Variants in PDE1A observed in about 807,000 individuals in gnomAD.
The protein encoded by PDE1A is dual specificity calcium/calmodulin-dependent 3',5'-cyclic nucleotide phosphodiesterase 1A.
A neutral mutation model predicts 61.7 loss-of-function variants in PDE1A; 35 were observed. The observed-to-expected ratio is 0.57, with a 90% confidence interval of 0.43 to 0.75. PDE1A has a LOEUF of 0.75. Ranked by LOEUF, PDE1A falls within the 30% of genes least tolerant of loss-of-function variation. The pLI is 0.00. For synonymous variants in PDE1A, 232 were observed against 213.2 expected (o/e 1.09, Z -0.77); for missense variants, 597 against 630.6 (o/e 0.95, Z 0.57).
At chr2:182,201,655 A>AAAAAC (rs1559175861) in intron 9 of PDE1A, 33 bp downstream of exon 9, 1 of 1,550,184 alleles carries the variant, frequency 6.5e-7, no homozygotes, top group East Asian at 2.3e-5. Flanking sequence ...CATGACAAAA[A>AAAAAC]AAAAAAAACA....
At chr2:182,241,711 T>A in intron 2 of PDE1A, 1 of 680,610 alleles carries the variant, frequency 1.5e-6, no homozygotes, top group Non-Finnish European at 2.2e-6. Context: ...TTATAAAAAA[T>A]AAACATAAGT....
upstream of PDE1A, among the ~76,000 whole-genome samples, chr2:182,427,520 C>CT (rs781238949): frequency 3.9e-4 from 59 of 151,864 alleles, no homozygotes; most frequent in African/African-American, 4.6e-4. Flanking sequence ...CATCCACATG[C>CT]TTTTTTTTAA....
In PDE1A at chr2:182,472,740, C is replaced by T. The variant is rs141309518; in HGVS notation, c.101+49536G>A. 6.1e-3 allele frequency among the ~76,000 whole-genome samples: 911 copies of T among 150,398 alleles called. 9 individuals are homozygous for T. The highest frequency in any genetic ancestry group is 0.021 in the African/African-American group (874 of 41,458). On this transcript the variant is annotated intron_variant, in intron 2 of 14. Transcript: ENST00000410103. ...AAAGCTCATTTCCACATAATCAACT[C>T]TAGCTCAACTGCTATTAAATTCACA...
At chr2:182,178,543 G>A (rs561364829) in intron 13 of PDE1A, among the ~76,000 whole-genome samples, 16 of 152,180 alleles carry the variant, frequency 1.1e-4, no homozygotes, top group South Asian at 6.2e-4. Context: ...AGTTATTTCC[G>A]AGGGAAAAAC....
chr2:182,588,977 A>C, the PDE1A span, among the ~76,000 whole-genome samples: 2 of 151,184 alleles, frequency 1.3e-5, no homozygotes, highest in Non-Finnish European at 2.9e-5. Context: ...TGGGAGGCAG[A>C]GGTTGCACTG....
At chr2:182,477,254 G>T (rs1181342019) in intron 2 of PDE1A, among the ~76,000 whole-genome samples, 2 of 151,904 alleles carry the variant, frequency 1.3e-5, no homozygotes, top group Non-Finnish European at 2.9e-5. Flanking sequence ...CATGTTGAGG[G>T]TAAAAGAGAA....
chr2:182,597,449 C>A, the PDE1A span, among the ~76,000 whole-genome samples: 37 of 152,046 alleles, frequency 2.4e-4, no homozygotes, highest in Non-Finnish European at 4.4e-5. Context: ...GAGAAGCCAG[C>A]GCTTGCAGGC....
intron 1 of PDE1A, among the ~76,000 whole-genome samples, chr2:182,302,907 T>G (rs979665164): frequency 6.6e-6 from 1 of 152,240 alleles, no homozygotes; most frequent in Admixed American, 6.5e-5. Context: ...GGAACCACTT[T>G]CTTTGCTCAC....
chr2:182,265,458 T>C lies in PDE1A; in HGVS notation c.54-1044A>G, dbSNP rs1460553486. On this transcript the variant is annotated intron_variant, in intron 1 of 13. Transcript: ENST00000351439. ...TGTGTCCTTAGTGTATTTACTGCAC[T>C]CATTTTTCACCTGAGGCAAATTTGA... Among the ~76,000 whole-genome samples the C allele has an allele frequency of 2.6e-5, 4 of 152,084 alleles. No individual in the cohort carries two copies. In the East Asian group the frequency reaches 7.7e-4, roughly 29 times the overall value.
At chr2:182,282,715 T>G (rs1184078328) in intron 1 of PDE1A, among the ~76,000 whole-genome samples, 2 of 152,046 alleles carry the variant, frequency 1.3e-5, no homozygotes, top group Non-Finnish European at 2.9e-5. Context: ...TTTATTTTTT[T>G]GCAATTTATA....
chr2:182,324,147 T>C (rs112610669), intron 1 of PDE1A, among the ~76,000 whole-genome samples: 1,693 of 152,260 alleles, frequency 0.011, 24 homozygotes, highest in South Asian at 0.069. Context: ...TTCATTTGAA[T>C]CTCAATATAT....
chr2:182,518,231 T>C (rs1002246626), intron 2 of PDE1A, among the ~76,000 whole-genome samples: 16 of 152,328 alleles, frequency 1.1e-4, no homozygotes, highest in Middle Eastern at 3.4e-3. Flanking sequence ...ATGTTTTTTT[T>C]GCTAATTTTT....
the PDE1A span, among the ~76,000 whole-genome samples, chr2:182,569,438 G>C: frequency 1.8e-4 from 27 of 152,140 alleles, no homozygotes; most frequent in African/African-American, 6.5e-4. Flanking sequence ...CCAGCATTCT[G>C]CTCCATCATT....
intron 6 of PDE1A, among the ~76,000 whole-genome samples, chr2:182,226,918 AACTG>A (rs1689188338): frequency 6.6e-6 from 1 of 152,020 alleles, no homozygotes; most frequent in African/African-American, 2.4e-5. Context: ...AATTAACATT[AACTG>A]GACACTTTAG....
At chr2:182,407,240 A>T (rs189092797) in intron 1 of PDE1A, among the ~76,000 whole-genome samples, 79 of 152,320 alleles carry the variant, frequency 5.2e-4, no homozygotes, top group African/African-American at 1.9e-3. Context: ...TAAGAAAAAA[A>T]TGCTACTAAA....
At chr2:182,658,448 AAT>A in the PDE1A span, among the ~76,000 whole-genome samples, 275 of 152,294 alleles carry the variant, frequency 1.8e-3, no homozygotes, top group Non-Finnish European at 3.2e-3. Flanking sequence ...ACCTCATCTT[AAT>A]TTGATTATAT....
the PDE1A span, among the ~76,000 whole-genome samples, chr2:182,659,892 G>T: frequency 6.6e-6 from 1 of 152,142 alleles, no homozygotes; most frequent in African/African-American, 2.4e-5. Context: ...GTCACTTTAG[G>T]ATTCTCTAAT....
the PDE1A span, among the ~76,000 whole-genome samples, chr2:182,626,774 TATATATACATATATATAC>T: frequency 2.6e-4 from 1 of 3,828 alleles, no homozygotes; most frequent in Non-Finnish European, 6.5e-4. Context: ...TATATATACA[TATATATACATATATATAC>T]ATATATATAC....
chr2:182,207,077 AGATACCT>A (rs1687169139), intron 7 of PDE1A, among the ~76,000 whole-genome samples: 2 of 152,320 alleles, frequency 1.3e-5, no homozygotes, highest in South Asian at 4.1e-4. Flanking sequence ...ATTGCTATAA[AGATACCT>A]AAAAATGTGG....
Sources: gnomAD v4.1 joint callset for allele counts (sites outside exome capture counted in the v4.1 genomes callset) on GRCh38, gnomAD v4.1.1 for gene constraint, MANE v1.5 for transcripts, NCBI Gene and HGNC (gene_info 2026-07-23, HGNC 2026-07-21) for gene names.